USP7: variants seen among roughly 807,000 people sequenced by gnomAD.
The protein encoded by USP7 is ubiquitin C-terminal hydrolase 7.
In USP7, 9 loss-of-function variants were observed where a neutral mutation model predicts 162.9. That is an observed-to-expected ratio of 0.06 (90% CI 0.03 to 0.10). USP7 has a LOEUF of 0.10. USP7 is among the 10% of genes least tolerant of loss of function. The pLI, the probability that USP7 is intolerant of heterozygous loss-of-function variation, is 1.00. For missense variants in USP7, 715 were observed against 1,373.7 expected (o/e 0.52, Z 7.58); for synonymous variants, 562 against 475.9 (o/e 1.18, Z -2.35).
At chr16:8,953,235 A>T (rs1054470055) in intron 1 of USP7, among the ~76,000 whole-genome samples, 1 of 152,070 alleles carries the variant, frequency 6.6e-6, no homozygotes, top group African/African-American at 2.4e-5. Context: ...CCTATGCCAC[A>T]GCTGCTTTGC....
intron 11 of USP7, among the ~76,000 whole-genome samples, chr16:8,910,116 T>C (rs942107878): frequency 1.3e-5 from 2 of 152,258 alleles, no homozygotes; most frequent in African/African-American, 2.4e-5. Context: ...GTTGAGTCAA[T>C]GAGTCAAGGT....
At chr16:8,910,049 T>C (rs949711068) in intron 11 of USP7, among the ~76,000 whole-genome samples, 1 of 152,224 alleles carries the variant, frequency 6.6e-6, no homozygotes, top group South Asian at 2.1e-4. Flanking sequence ...CCATGAACTA[T>C]ATACACTGGC....
rs900862024 is a variant in USP7 at position 8,892,683 on chromosome 16, A to C, written c.*1315T>G. ...GGAATTAGAAGGAAAAGTACATCTC[A>C]GTGAAACCTTGTTACAAATGCCAAG... is the stretch of plus-strand genomic sequence containing the variant. On this transcript the variant is annotated 3_prime_UTR_variant, in exon 31 of 31. Transcript: ENST00000344836. 6.6e-6 allele frequency: 1 copy of C among 152,046 alleles called. No individual in the cohort carries two copies. The highest frequency in any genetic ancestry group is 1.5e-5 in the Non-Finnish European group (1 of 68,014). The allele number at this position is 152,046 out of a possible 1,614,324, so 9.4% of individuals were successfully genotyped here.
intron 21 of USP7, chr16:8,900,007 C>T: frequency 1.8e-6 from 1 of 561,038 alleles, no homozygotes; most frequent in Non-Finnish European, 3.1e-6. Flanking sequence ...AAACAAAACC[C>T]CCTTAGGTAA....
Position 8,899,207 on chromosome 16 carries a change from G to A in USP7, c.2464-19C>T, listed in dbSNP as rs1311504319. 3 of 1,612,476 alleles carry A rather than the reference G, an allele frequency of 1.9e-6. No individual in the cohort carries two copies. The highest frequency in any genetic ancestry group is 2.2e-5 in the East Asian group (1 of 44,864). On this transcript the variant is annotated intron_variant, in intron 22 of 30. Coordinates refer to ENST00000344836, the MANE Select transcript of USP7 (RefSeq NM_003470.3). ...TTGCAACCTAAGACACAGAAAGGAAGGTTCACATTTTGGGGAAAAATTGAA... is the reference window on the plus strand; with the variant it reads ...TTGCAACCTAAGACACAGAAAGGAAAGTTCACATTTTGGGGAAAAATTGAA...
intron 26 of USP7, among the ~76,000 whole-genome samples, chr16:8,896,318 T>A (rs751786218): frequency 1.4e-4 from 22 of 152,166 alleles, no homozygotes; most frequent in Non-Finnish European, 2.9e-4. Flanking sequence ...TGCATAAACC[T>A]TTCCCACAAG....
intron 1 of USP7, among the ~76,000 whole-genome samples, chr16:8,950,399 AAAG>A (rs1228642121): frequency 6.6e-6 from 1 of 152,224 alleles, no homozygotes; most frequent in African/African-American, 2.4e-5. Flanking sequence ...TTTCATCAAA[AAAG>A]AATTACATTT....
chr16:8,898,376 C>T lies in USP7; in HGVS notation c.2702G>A (p.Ser901Asn). ...RRSFKCIWLN[S>N]QFREEEITLY... Reference sequence around the variant, plus strand: ...AAAACTTACCTCTTCCCTAAATTGGCTGTTTAACCATATACATTTAAAACT... The same window carrying T: ...AAAACTTACCTCTTCCCTAAATTGGTTGTTTAACCATATACATTTAAAACT... Residue 901 changes from serine (S) to asparagine (N), a missense_variant, in exon 25 of 31, where the codon AGC (serine) becomes AAC (asparagine). Transcript: ENST00000344836. The T allele has an allele frequency of 6.2e-7, 1 of 1,609,110 alleles. No individual in the cohort carries two copies. The highest frequency in any genetic ancestry group is 1.1e-5 in the South Asian group (1 of 89,290).
Position 8,892,436 on chromosome 16 carries a change from G to GCTGGAAGGCAAGGC in USP7, c.*1548_*1561dup, listed in dbSNP as rs1466404373. 1.3e-5 allele frequency: 2 copies of GCTGGAAGGCAAGGC among 152,252 alleles called. No homozygotes were observed. Among genetic ancestry groups the GCTGGAAGGCAAGGC allele is most frequent in the African/African-American group, 4.8e-5 (2 of 41,452 alleles). 9.4% of individuals were successfully genotyped at this position (152,252 alleles called of 1,614,324 possible). A position where few individuals can be genotyped will look rare whatever the true frequency, so the allele number is the denominator to read the frequency against. On this transcript the variant is annotated 3_prime_UTR_variant, in exon 31 of 31. Coordinates refer to ENST00000344836, the MANE Select transcript of USP7 (RefSeq NM_003470.3). The stretch of plus-strand genomic sequence containing the variant: ...AAAGACCAGGAAACCGTGCCACGGA[G>GCTGGAAGGCAAGGC]CTGGAAGGCAAGGCCGATGGGACGG...
intron 30 of USP7, 72 bp downstream of exon 30, chr16:8,894,464 ACCCTGGGGCTGCCC>A: frequency 1.5e-6 from 2 of 1,373,570 alleles, no homozygotes; most frequent in Non-Finnish European, 2.0e-6. Flanking sequence ...CTGGCACTTG[ACCCTGGGGCTGCCC>A]CTCCCAGCCC....
chr16:8,939,775 T>A (rs557602096), intron 1 of USP7, among the ~76,000 whole-genome samples: 2 of 152,168 alleles, frequency 1.3e-5, no homozygotes. Context: ...CTCCAAAACA[T>A]TGTCATGATT....
At chr16:8,899,927 G>A (rs891775324) in intron 21 of USP7, 170 bp from the exon 22 acceptor site, 34 of 771,248 alleles carry the variant, frequency 4.4e-5, no homozygotes, top group Non-Finnish European at 6.4e-5. Flanking sequence ...CTCTGTAAGC[G>A]AGGCAAGTAT....
intron 2 of USP7, among the ~76,000 whole-genome samples, chr16:8,927,340 G>T (rs1340761080): frequency 1.3e-5 from 2 of 151,796 alleles, no homozygotes; most frequent in South Asian, 4.2e-4. Context: ...AAGAAAGAAA[G>T]TTAAAGAAAA....
intron 1 of USP7, among the ~76,000 whole-genome samples, chr16:8,934,857 A>G (rs1207308887): frequency 2.6e-5 from 4 of 152,234 alleles, no homozygotes; most frequent in African/African-American, 4.8e-5. Flanking sequence ...ATTCCAGCCC[A>G]GCTCCCAGGG....
Position 8,946,676 on chromosome 16 carries a change from C to A in USP7, c.80-16279G>T, listed in dbSNP as rs943706629. On this transcript the variant is annotated intron_variant, in intron 1 of 30. Transcript: ENST00000344836. ...ATGGCAAAGGCACACCTCCAATAAT[C>A]TGGTCACTGGCCTATACCCCAGCCC... is the stretch of plus-strand genomic sequence containing the variant. 2.0e-5 allele frequency among the ~76,000 whole-genome samples: 3 copies of A among 152,188 alleles called. No homozygotes were observed. In the South Asian group the frequency reaches 6.2e-4, roughly 32 times the overall value.
chr16:8,902,559 A>G, intron 16 of USP7, 77 bp from the exon 17 acceptor site: 2 of 1,049,166 alleles, frequency 1.9e-6, no homozygotes, highest in South Asian at 1.5e-5. Flanking sequence ...ACACATATGT[A>G]TATACATATA....
intron 1 of USP7, among the ~76,000 whole-genome samples, chr16:8,953,083 C>T (rs941845130): frequency 1.3e-5 from 2 of 152,108 alleles, no homozygotes; most frequent in Non-Finnish European, 2.9e-5. Context: ...AATCTGTCGC[C>T]TTGGCCTCCC....
chr16:8,939,950 T>A (rs916384216), intron 1 of USP7, among the ~76,000 whole-genome samples: 4 of 152,040 alleles, frequency 2.6e-5, no homozygotes, highest in African/African-American at 9.7e-5. Context: ...ATACAAAAAT[T>A]AGCCAAGCAT....
At position 8,908,201 on chromosome 16, in the gene USP7, C is replaced by G. The variant is rs145706461; in HGVS notation, c.1271+140G>C. 1.4e-3 allele frequency: 1,038 copies of G among 716,002 alleles called. 6 individuals carry two copies. The African/African-American group carries it at 0.016, about 11-fold the overall frequency. 44.4% of individuals were successfully genotyped at this position (716,002 alleles called of 1,614,324 possible). On this transcript the variant is annotated intron_variant, in intron 12 of 30. Transcript: ENST00000344836. ...AAATCATTCCTTTAACACTGCGGCT[C>G]TTGGGACACAGAGGTAGAAGGAAAA...
Sources: gnomAD v4.1 joint callset for allele counts (sites outside exome capture counted in the v4.1 genomes callset) on GRCh38, gnomAD v4.1.1 for gene constraint, MANE v1.5 for transcripts, NCBI Gene and HGNC (gene_info 2026-07-23, HGNC 2026-07-21) for gene names.